BMP1: variants seen among roughly 807,000 people sequenced by gnomAD.
BMP1 encodes bone morphogenetic protein 1, also known as mammalian tolloid protein.
In BMP1, 63 loss-of-function variants were observed where a neutral mutation model predicts 116.8. The observed-to-expected ratio is 0.54, with a 90% CI of 0.44 to 0.67. The LOEUF (loss-of-function observed/expected upper bound fraction) is 0.67. BMP1 is among the 30% of genes least tolerant of loss of function. BMP1 has a pLI of 0.00. For missense variants in BMP1, 1,183 were observed against 1,358.9 expected (o/e 0.87, Z 2.04); for synonymous variants, 536 against 533.4 (o/e 1.00, Z -0.07).
chr8:22,205,914 C>CCT (rs1201404172), intron 16 of BMP1, among the ~76,000 whole-genome samples: 1 of 152,128 alleles, frequency 6.6e-6, no homozygotes, highest in Non-Finnish European at 1.5e-5. Flanking sequence ...ATGACAAAGC[C>CCT]CTCAAGGAAC....
At chr8:22,169,245 G>A (rs1224748966) in intron 1 of BMP1, 1 of 151,904 alleles carries the variant, frequency 6.6e-6, no homozygotes, top group East Asian at 1.9e-4. Flanking sequence ...ATTGCGGTCG[G>A]GGGAGTAGAA....
At chr8:22,191,891 A>AG (rs1828941482) in intron 8 of BMP1, among the ~76,000 whole-genome samples, 158 bp from the exon 9 acceptor site, 2 of 152,148 alleles carry the variant, frequency 1.3e-5, no homozygotes, top group South Asian at 4.1e-4. Flanking sequence ...ACTGTGGAGG[A>AG]GGGGCGGTTC....
intron 16 of BMP1, among the ~76,000 whole-genome samples, chr8:22,202,320 CT>C (rs1317883074): frequency 1.3e-5 from 2 of 152,202 alleles, no homozygotes; most frequent in Non-Finnish European, 2.9e-5. Flanking sequence ...AGCTGTGTGC[CT>C]TTGAGTGACT....
chr8:22,201,312 G>A, intron 15 of BMP1: 1 of 1,508,594 alleles, frequency 6.6e-7, no homozygotes, highest in East Asian at 2.4e-5. Context: ...TGCCATTCCG[G>A]CCCACCTCCC....
intron 2 of BMP1, among the ~76,000 whole-genome samples, 154 bp downstream of exon 2, chr8:22,173,869 A>G (rs945390061): frequency 6.6e-6 from 1 of 152,200 alleles, no homozygotes; most frequent in Admixed American, 6.6e-5. Context: ...GGATATCTTC[A>G]TCCCTTCCCC....
Position 22,211,762 on chromosome 8 carries a change from G to T in BMP1, c.*34G>T, listed in dbSNP as rs375936611. ...TGAGCAGGGGCGGGGACTGGAGCCT[G>T]CTGCCCTTGGTCGCCTAGACTGGAT... On this transcript the variant is annotated 3_prime_UTR_variant, in exon 20 of 20. Transcript: ENST00000306385. 27 of 1,613,782 alleles carry T rather than the reference G, an allele frequency of 1.7e-5. No individual in the cohort carries two copies. The African/African-American group carries it at 3.2e-4, about 19-fold the overall frequency.
At chr8:22,200,597 A>G (rs892176319) in intron 15 of BMP1, among the ~76,000 whole-genome samples, 2 of 152,058 alleles carry the variant, frequency 1.3e-5, no homozygotes, top group Non-Finnish European at 2.9e-5. Flanking sequence ...GGTAGTGTGT[A>G]CCGTGTGCAC....
At position 22,192,140 on chromosome 8, in the gene BMP1, C is replaced by T. The variant is rs749040090; in HGVS notation, c.1169C>T (p.Ala390Val). Residue 390 changes from alanine to valine, a missense_variant, in exon 9 of 20, where the codon GCG becomes GTG. Ala to Val is a moderately conservative substitution (Grantham distance 64). Coordinates refer to ENST00000306385, the MANE Select transcript of BMP1 (RefSeq NM_006129.5). ...VEVRDGFWRK[A>V]PLRGRFCGSK... ...GTCCGAGATGGCTTCTGGAGGAAGG[C>T]GCCCCTCCGAGGTAACGGCACCAGC... 33 of 1,613,206 alleles carry T rather than the reference C, an allele frequency of 2.0e-5. No individual in the cohort carries two copies. Among genetic ancestry groups the T allele is most frequent in the Non-Finnish European group, 2.7e-5 (32 of 1,179,664 alleles).
chr8:22,194,242 T>G lies in BMP1; in HGVS notation c.1297+68T>G, dbSNP rs1310157422. 3.3e-6 allele frequency: 5 copies of G among 1,524,242 alleles called. No individual in the cohort carries two copies. Among genetic ancestry groups the G allele is most frequent in the Non-Finnish European group, 4.5e-6 (5 of 1,099,812 alleles). 94.4% of individuals were successfully genotyped at this position (1,524,242 alleles called of 1,614,324 possible). On this transcript the variant is annotated intron_variant, in intron 10 of 19. Transcript: ENST00000306385. The surrounding 1 kb of genome is among the most constrained non-coding windows in gnomAD (Gnocchi z 4.5). ...CTCTGGGCATGGTAAAACAACTCCC[T>G]CCTGGCACCTGAGGGGCAAGATTGT...
intron 1 of BMP1, among the ~76,000 whole-genome samples, chr8:22,166,227 T>G (rs1828103904): frequency 1.3e-5 from 2 of 152,008 alleles, no homozygotes; most frequent in Admixed American, 1.3e-4. Flanking sequence ...TTTGTCCCTA[T>G]GTGCCCAGAG....
chr8:22,197,162 C>G (rs1174410301), intron 14 of BMP1, 78 bp from the exon 15 acceptor site: 10 of 1,540,336 alleles, frequency 6.5e-6, no homozygotes, highest in Non-Finnish European at 8.8e-6. Flanking sequence ...ATGTGCAGAA[C>G]AGAGAGCTTC....
intron 7 of BMP1, among the ~76,000 whole-genome samples, chr8:22,180,046 G>A (rs573254186): frequency 1.3e-5 from 2 of 152,138 alleles, no homozygotes. Flanking sequence ...ACCTTCTGAG[G>A]GTCTGTAGGG....
At chr8:22,173,035 C>T (rs1048877058) in intron 1 of BMP1, among the ~76,000 whole-genome samples, 2 of 152,124 alleles carry the variant, frequency 1.3e-5, no homozygotes, top group African/African-American at 4.8e-5. Context: ...TCTGGAAGAC[C>T]CTAGGTCAGT....
intron 15 of BMP1, among the ~76,000 whole-genome samples, chr8:22,197,969 G>C (rs531314392): frequency 1.8e-4 from 28 of 152,304 alleles, no homozygotes; most frequent in Non-Finnish European, 3.5e-4. Context: ...AGGATCACTT[G>C]AGCCCAGGAG....
rs367822061 is a variant in BMP1, at chr8:22,189,463, T to C, written c.1078-2586T>C. ...ACACACACACACACACACACACACATATCTTATATATTATATAATATATAA... is the reference window on the plus strand; with the variant it reads ...ACACACACACACACACACACACACACATCTTATATATTATATAATATATAA... On this transcript the variant is annotated intron_variant, in intron 8 of 19. Transcript: ENST00000306385. 3.8e-3 allele frequency among the ~76,000 whole-genome samples: 276 copies of C among 72,014 alleles called. 2 individuals carry two copies. The highest frequency in any genetic ancestry group is 0.01 in the African/African-American group (196 of 19,016). 47.2% of individuals were successfully genotyped at this position (72,014 alleles called of 152,430 possible).
Position 22,211,719 on chromosome 8 carries a change from C to T in BMP1, c.2952C>T (p.Ser984=). 7 of 1,614,216 alleles carry T rather than the reference C, an allele frequency of 4.3e-6. No individual in the cohort carries two copies. Among genetic ancestry groups the T allele is most frequent in the Non-Finnish European group, 5.9e-6 (7 of 1,180,030 alleles). ...CCAAGTTCCAGGACACACTCCACAG[C>T]AGGAAGTGACCACTGCCTGAGCAGG... ...TSTKFQDTLH[S]RK Residue 984 remains serine, a synonymous_variant, in exon 20 of 20, where the codon AGC becomes AGT. Transcript: ENST00000306385.
intron 8 of BMP1, among the ~76,000 whole-genome samples, chr8:22,191,247 G>A (rs768783071): frequency 3.9e-5 from 6 of 152,188 alleles, no homozygotes; most frequent in Non-Finnish European, 5.9e-5. Context: ...CAGAGGTTGC[G>A]TGGTTTGCTT....
Position 22,176,208 on chromosome 8 carries a change from G to T in BMP1, c.328G>T (p.Gly110Trp). 1 of 1,614,168 alleles carries T rather than the reference G, an allele frequency of 6.2e-7. No homozygotes were observed. Residue 110 changes from glycine (G) to tryptophan (W), a missense_variant, in exon 3 of 20, where the codon GGG becomes TGG. Around this residue, in one of 4 missense-constraint regions of BMP1, gnomAD observed 185 missense variants for 158.9 expected, o/e 1.16. Transcript: ENST00000306385. ...TNGQPQRGAC[G>W]RWRGRSRSRR... The stretch of plus-strand genomic sequence containing the variant: ...CGGGCAGCCTCAGAGGGGAGCCTGT[G>T]GGAGATGGAGAGGTAGATCCCGTAG...
chr8:22,211,856 C>A lies in BMP1; in HGVS notation c.*128C>A. ...GCCCCAGGACCTGCAGGGCCAATGG[C>A]CTGGTGAGACTGTCCATAGGAGGTG... On this transcript the variant is annotated 3_prime_UTR_variant, in exon 20 of 20. Transcript: ENST00000306385. 2 of 1,405,284 alleles carry A rather than the reference C, an allele frequency of 1.4e-6. No individual in the cohort carries two copies. The highest frequency in any genetic ancestry group is 2.0e-6 in the Non-Finnish European group (2 of 1,025,136). 87.1% of individuals were successfully genotyped at this position (1,405,284 alleles called of 1,614,324 possible).
Sources: allele counts gnomAD v4.1 joint callset (sites outside exome capture counted in the v4.1 genomes callset), GRCh38; gene constraint gnomAD v4.1.1; regional missense constraint gnomAD v4.1.1; non-coding constraint Gnocchi (gnomAD v3.1); transcripts MANE v1.5; gene names NCBI Gene and HGNC (gene_info 2026-07-23, HGNC 2026-07-21).